Variants in KRT25 observed in about 807,000 individuals in gnomAD.
KRT25 encodes the protein keratin, type I cytoskeletal 25.
A neutral mutation model predicts 47.6 loss-of-function variants in KRT25; 37 were observed. That is an observed-to-expected ratio of 0.78 (90% CI 0.60 to 1.02). The LOEUF (loss-of-function observed/expected upper bound fraction) is 1.02. Among genes scored for constraint, KRT25 ranks in the 50% least tolerant of loss-of-function variants. KRT25 has a pLI of 0.00. For missense variants in KRT25, 542 were observed against 550.3 expected, an observed-to-expected ratio of 0.98 and a Z score of 0.15; for synonymous variants, 203 against 210.2, an observed-to-expected ratio of 0.97 and a Z score of 0.30.
intron 6 of KRT25, 131 bp from the exon 7 acceptor site, chr17:40,749,456 T>G: frequency 1.4e-6 from 1 of 726,910 alleles, no homozygotes. Flanking sequence ...TGTTTGCTGA[T>G]TTCTGTAGAG....
At position 40,754,023 on chromosome 17, in the gene KRT25, G is replaced by C. The variant is rs369593497; in HGVS notation, c.513-7C>G. The C allele has an allele frequency of 6.2e-7, 1 of 1,613,334 alleles. No homozygotes were observed. The highest frequency in any genetic ancestry group is 8.5e-7 in the Non-Finnish European group (1 of 1,179,630). On this transcript the variant is annotated splice_polypyrimidine_tract_variant and splice_region_variant and intron_variant, in intron 2 of 7. Transcript: ENST00000312150. ...AGCCAGCTCATTTTCATACCTTAAAGAGTGTTAATGATTTCCTAATTTGTC... is the reference window on the plus strand; with the variant it reads ...AGCCAGCTCATTTTCATACCTTAAACAGTGTTAATGATTTCCTAATTTGTC...
At chr17:40,749,210 T>C (rs1352454574) in intron 7 of KRT25, 48 bp downstream of exon 7, 13 of 1,435,914 alleles carry the variant, frequency 9.1e-6, no homozygotes, top group Non-Finnish European at 1.3e-5. Flanking sequence ...AAATTAAAAG[T>C]TAAAAAATAA....
rs776428850 is a variant in KRT25, at chr17:40,755,288, C to T, written c.-17G>A. Reference sequence around the variant, plus strand: ...AAGAGACATGGTATCAGGGCAAACGCGTTGCAGAGCTGTATTTGTGAAAGC... The same window carrying T: ...AAGAGACATGGTATCAGGGCAAACGTGTTGCAGAGCTGTATTTGTGAAAGC... On this transcript the variant is annotated 5_prime_UTR_variant, in exon 1 of 8. Transcript: ENST00000312150. 3.6e-5 allele frequency: 57 copies of T among 1,600,718 alleles called. No individual in the cohort carries two copies. The highest frequency in any genetic ancestry group is 1.1e-4 in the South Asian group (10 of 89,082).
At position 40,748,311 on chromosome 17, in the gene KRT25, A is replaced by G; in HGVS notation, c.1319T>C (p.Leu440Pro). ...TTGAGATTTCTCTTCCAGGGAGTGG[A>G]GCCTGGTGGTAAGTATTTTGCTGCG... ...DQRSKILTTR[L>P]HSLEEKSQSN Residue 440 changes from leucine to proline, a missense_variant, in exon 8 of 8, where the codon CTC becomes CCC. Transcript: ENST00000312150. 1 of 1,612,500 alleles carries G rather than the reference A, an allele frequency of 6.2e-7. No homozygotes were observed. The highest frequency in any genetic ancestry group is 2.2e-5 in the East Asian group (1 of 44,754).
At position 40,754,919 on chromosome 17, in the gene KRT25, A is replaced by G. The variant is rs767817048; in HGVS notation, c.353T>C (p.Phe118Ser). 1.2e-6 allele frequency: 2 copies of G among 1,614,100 alleles called. No individual in the cohort carries two copies. Among genetic ancestry groups the G allele is most frequent in the South Asian group, 2.2e-5 (2 of 91,064 alleles). The stretch of plus-strand genomic sequence containing the variant: ...AAGACCACGGCAAGAGCCAGGCCCA[A>G]ATTTCTCATACCAGCCCTTGATCTT... The part of the protein sequence containing the change: ...EQKIKGWYEK[F>S]GPGSCRGLDH... The change falls in exon 1 of 8, where the codon TTT (phenylalanine) becomes TCT (serine). Residue 118 changes from phenylalanine (F) to serine (S), a missense_variant. Physicochemically the swap from Phe to Ser is radical, Grantham distance 155. Transcript: ENST00000312150.
chr17:40,748,249 T>G lies in KRT25; in HGVS notation c.*28A>C. On this transcript the variant is annotated 3_prime_UTR_variant, in exon 8 of 8. Transcript: ENST00000312150. ...ATGCCTTTTCTTCGCAGGGGCTATG[T>G]GGCATACGTTCTCTGTTGCATCTCA... The G allele has an allele frequency of 6.9e-7, 1 of 1,445,256 alleles. No individual in the cohort carries two copies. The highest frequency in any genetic ancestry group is 9.7e-7 in the Non-Finnish European group (1 of 1,033,760). The allele number at this position is 1,445,256 out of a possible 1,614,324, so 89.5% of individuals were successfully genotyped here.
chr17:40,754,718 C>CA (rs33924883), intron 1 of KRT25, 125 bp downstream of exon 1: 145,222 of 600,152 alleles, frequency 0.24, 4,598 homozygotes, highest in African/African-American at 0.36. Flanking sequence ...AACTCCTTCT[C>CA]AAAAAAAAAA....
rs1430042613 is a variant in KRT25 at position 40,754,985 on chromosome 17, C to T, written c.287G>A (p.Ser96Asn). ...GTTGGCCTCCTCCAGAGCATGCACA[C>T]TGTCCAGGTAGGATGCCAGGCGGTC... ...LNDRLASYLD[S>N]VHALEEANAD... Residue 96 changes from serine to asparagine, a missense_variant, in exon 1 of 8, where the codon AGT becomes AAT. Ser to Asn is a conservative substitution (Grantham distance 46, BLOSUM62 1). Coordinates refer to ENST00000312150, the MANE Select transcript of KRT25 (RefSeq NM_181534.4). 2 of 1,614,066 alleles carry T rather than the reference C, an allele frequency of 1.2e-6. No homozygotes were observed. The highest frequency in any genetic ancestry group is 2.7e-5 in the African/African-American group (2 of 74,914).
chr17:40,754,791 A>C (rs552854658), intron 1 of KRT25, 52 bp downstream of exon 1: 1 of 1,451,058 alleles, frequency 6.9e-7, no homozygotes, highest in Admixed American at 2.3e-5. Flanking sequence ...AAAGGAAAAC[A>C]AAATTTAGAA....
intron 3 of KRT25, among the ~76,000 whole-genome samples, chr17:40,752,347 G>A (rs1047945810): frequency 3.3e-5 from 5 of 152,142 alleles, no homozygotes; most frequent in African/African-American, 4.8e-5. Flanking sequence ...GCATCGCTGC[G>A]AAGACTGTGT....
At chr17:40,752,178 G>A (rs554285335) in intron 3 of KRT25, among the ~76,000 whole-genome samples, 19 of 152,250 alleles carry the variant, frequency 1.2e-4, no homozygotes, top group Admixed American at 2.0e-4. Flanking sequence ...AAGACTCCGT[G>A]ATACTGCCTT....
In KRT25 at chr17:40,748,139, A is replaced by G; in HGVS notation, c.*138T>C. ...TCTAGATGAATGGGGAGATGCTGTC[A>G]TTGATTGCCCAGAAAGAAAGTAACA... On this transcript the variant is annotated 3_prime_UTR_variant, in exon 8 of 8. Coordinates refer to ENST00000312150, the MANE Select transcript of KRT25 (RefSeq NM_181534.4). The G allele has an allele frequency of 1.8e-6, 1 of 551,604 alleles. No homozygotes were observed. Among genetic ancestry groups the G allele is most frequent in the Non-Finnish European group, 3.2e-6 (1 of 315,322 alleles). The allele number at this position is 551,604 out of a possible 1,614,324, so 34.2% of individuals were successfully genotyped here. A position where few individuals can be genotyped will look rare whatever the true frequency, so the allele number is the denominator to read the frequency against.
At chr17:40,748,434 TA>T in intron 7 of KRT25, 48 bp from the exon 8 acceptor site, 2 of 1,193,450 alleles carry the variant, frequency 1.7e-6, no homozygotes, top group South Asian at 1.4e-5. Context: ...AAAAAAAGAA[TA>T]AAAATTATAT....
intron 7 of KRT25, among the ~76,000 whole-genome samples, chr17:40,748,608 G>A (rs1398619705): frequency 6.6e-6 from 1 of 152,084 alleles, no homozygotes; most frequent in Non-Finnish European, 1.5e-5. Flanking sequence ...TAGACATCTA[G>A]CACATATGGA....
At chr17:40,754,608 C>G (rs2038087200) in intron 1 of KRT25, 140 bp from the exon 2 acceptor site, 2 of 833,740 alleles carry the variant, frequency 2.4e-6, no homozygotes, top group Middle Eastern at 2.7e-4. Flanking sequence ...ATCCCAGCTA[C>G]TTGGGAGGCT....
chr17:40,748,162 A>G lies in KRT25; in HGVS notation c.*115T>C. 1 of 615,862 alleles carries G rather than the reference A, an allele frequency of 1.6e-6. No individual in the cohort carries two copies. Among genetic ancestry groups the G allele is most frequent in the South Asian group, 2.7e-5 (1 of 37,202 alleles). The allele number at this position is 615,862 out of a possible 1,614,324, so 38.1% of individuals were successfully genotyped here. ...TCATTGATTGCCCAGAAAGAAAGTA[A>G]CAGAAAGACAACAGGTTAGACATTT... On this transcript the variant is annotated 3_prime_UTR_variant, in exon 8 of 8. Coordinates refer to ENST00000312150, the MANE Select transcript of KRT25 (RefSeq NM_181534.4).
At chr17:40,749,142 A>T in intron 7 of KRT25, 116 bp downstream of exon 7, 1 of 754,454 alleles carries the variant, frequency 1.3e-6, no homozygotes, top group Non-Finnish European at 2.3e-6. Flanking sequence ...TATGCACAAC[A>T]AACCTCCGTG....
Position 40,751,263 on chromosome 17 carries a change from C to T in KRT25, c.733G>A (p.Gly245Arg). ...TTCAGCAGAACTGTGAGGTCCACCC[C>T]GGGGGCTGCGTTCATCTCCACGTTC... ...NVNVEMNAAP[G>R]VDLTVLLNNM... Residue 245 changes from glycine (G) to arginine (R), a missense_variant, in exon 4 of 8, where the codon GGG becomes AGG. Transcript: ENST00000312150. 1 of 1,614,148 alleles carries T rather than the reference C, an allele frequency of 6.2e-7. No homozygotes were observed. Among genetic ancestry groups the T allele is most frequent in the Non-Finnish European group, 8.5e-7 (1 of 1,180,004 alleles).
chr17:40,748,893 C>A, intron 7 of KRT25, among the ~76,000 whole-genome samples: 1 of 152,196 alleles, frequency 6.6e-6, no homozygotes, highest in East Asian at 1.9e-4. Context: ...AAGATCATGT[C>A]TTTTACAGGA....
Sources: allele counts gnomAD v4.1 joint callset (sites outside exome capture counted in the v4.1 genomes callset), GRCh38; gene constraint gnomAD v4.1.1; transcripts MANE v1.5; gene names NCBI Gene and HGNC (gene_info 2026-07-23, HGNC 2026-07-21).